The following IKZF2 variants were observed in gnomAD, a reference collection of about 807,000 sequenced individuals.
IKZF2 encodes the protein zinc finger protein Helios.
In IKZF2, 15 loss-of-function variants were observed where a neutral mutation model predicts 49.2. That is an observed-to-expected ratio of 0.30 (90% CI 0.20 to 0.47). The LOEUF (loss-of-function observed/expected upper bound fraction) is 0.47. Ranked by LOEUF, IKZF2 falls within the 20% of genes least tolerant of loss-of-function variation. The pLI is 1.00. For missense variants in IKZF2, 567 were observed against 664.6 expected, an observed-to-expected ratio of 0.85 and a Z score of 1.61; for synonymous variants, 227 against 221.4, an observed-to-expected ratio of 1.03 and a Z score of -0.23.
intron 6 of IKZF2, among the ~76,000 whole-genome samples, chr2:213,044,707 A>C (rs1164471954): frequency 6.6e-6 from 1 of 152,230 alleles, no homozygotes; most frequent in African/African-American, 2.4e-5. Flanking sequence ...TGGAATACTC[A>C]AGTCAGAATA....
chr2:213,079,173 G>A (rs1703616841), intron 4 of IKZF2, among the ~76,000 whole-genome samples: 1 of 151,902 alleles, frequency 6.6e-6, no homozygotes, highest in Admixed American at 6.6e-5. Flanking sequence ...GAGCCCACTG[G>A]TTCAAGACGA....
intron 4 of IKZF2, among the ~76,000 whole-genome samples, chr2:213,082,981 T>C (rs1704114282): frequency 6.6e-6 from 1 of 152,224 alleles, no homozygotes; most frequent in Non-Finnish European, 1.5e-5. Flanking sequence ...GAAAAGCATT[T>C]TATATTTCTT....
chr2:213,103,294 G>C (rs1319029193), intron 4 of IKZF2, among the ~76,000 whole-genome samples: 1 of 152,044 alleles, frequency 6.6e-6, no homozygotes, highest in Non-Finnish European at 1.5e-5. Context: ...ACAACTAATG[G>C]CAATGCTTAG....
At chr2:213,080,260 C>A (rs1703799241) in intron 4 of IKZF2, among the ~76,000 whole-genome samples, 1 of 150,604 alleles carries the variant, frequency 6.6e-6, no homozygotes, top group Non-Finnish European at 1.5e-5. Flanking sequence ...AAGGGAGATT[C>A]TTTTGCCCAC....
chr2:213,095,780 A>G (rs1435287009), intron 4 of IKZF2, among the ~76,000 whole-genome samples: 2 of 152,086 alleles, frequency 1.3e-5, no homozygotes, highest in African/African-American at 2.4e-5. Context: ...CTAAAGAAAA[A>G]TAAGTTATTG....
At chr2:213,112,532 C>T (rs974202854) in intron 4 of IKZF2, among the ~76,000 whole-genome samples, 3 of 150,886 alleles carry the variant, frequency 2.0e-5, no homozygotes, top group African/African-American at 7.3e-5. Context: ...GGCACGATCA[C>T]AGCTCACTAG....
At chr2:213,087,580 GGT>G (rs1445903144) in intron 4 of IKZF2, among the ~76,000 whole-genome samples, 1 of 151,912 alleles carries the variant, frequency 6.6e-6, no homozygotes, top group East Asian at 1.9e-4. Context: ...GTGCCATGTT[GGT>G]GTGCTGCACC....
chr2:213,123,966 G>C (rs2060138777), intron 4 of IKZF2, among the ~76,000 whole-genome samples: 2 of 150,132 alleles, frequency 1.3e-5, no homozygotes, highest in Non-Finnish European at 3.0e-5. Flanking sequence ...TGACATTTCA[G>C]ACAGGCAGAT....
At chr2:213,038,013 TAAA>T (rs3069569) in intron 6 of IKZF2, among the ~76,000 whole-genome samples, 244 of 147,824 alleles carry the variant, frequency 1.7e-3, no homozygotes, top group Admixed American at 1.8e-3. Context: ...TTTCTATCCT[TAAA>T]AAAAAAAAAA....
chr2:213,005,576 T>C lies in IKZF2; in HGVS notation c.*1784A>G, dbSNP rs1695278854. ...ATTCTCATACCACACTGTATTAAGA[T>C]ACATAATTTCAGCATCCTATTTAAT... is the stretch of plus-strand genomic sequence containing the variant. On this transcript the variant is annotated 3_prime_UTR_variant, in exon 9 of 9. Coordinates refer to ENST00000434687, the MANE Select transcript of IKZF2 (RefSeq NM_001387220.1). 1 of 152,040 alleles carries C rather than the reference T, an allele frequency of 6.6e-6. No homozygotes were observed. The highest frequency in any genetic ancestry group is 1.5e-5 in the Non-Finnish European group (1 of 67,998). The allele number at this position is 152,040 out of a possible 1,614,324, so 9.4% of individuals were successfully genotyped here.
At chr2:213,151,841 G>T (rs1332148517), upstream of IKZF2, among the ~76,000 whole-genome samples, 2 of 149,632 alleles carry the variant, frequency 1.3e-5, no homozygotes, top group Non-Finnish European at 3.0e-5. Flanking sequence ...GTGCGTGTGT[G>T]TATGAGAGCG....
chr2:213,142,025 C>A (rs1239655023), intron 4 of IKZF2, among the ~76,000 whole-genome samples: 1 of 151,854 alleles, frequency 6.6e-6, no homozygotes, highest in East Asian at 1.9e-4. Flanking sequence ...TATGGTACTA[C>A]CAGAAGCATC....
At chr2:213,123,498 T>A (rs2060123564) in intron 4 of IKZF2, among the ~76,000 whole-genome samples, 1 of 152,166 alleles carries the variant, frequency 6.6e-6, no homozygotes, top group Non-Finnish European at 1.5e-5. Flanking sequence ...ATATACCTAA[T>A]GTAAATGACA....
At chr2:213,016,199 T>A (rs959093897) in intron 7 of IKZF2, among the ~76,000 whole-genome samples, 1 of 152,128 alleles carries the variant, frequency 6.6e-6, no homozygotes, top group Non-Finnish European at 1.5e-5. Context: ...ATTAATTTAA[T>A]TCATCCAGAA....
chr2:213,005,863 G>GT lies in IKZF2; in HGVS notation c.*1496dup, dbSNP rs1317760014. 1 of 152,050 alleles carries GT rather than the reference G, an allele frequency of 6.6e-6. No homozygotes were observed. The highest frequency in any genetic ancestry group is 1.5e-5 in the Non-Finnish European group (1 of 67,982). The allele number at this position is 152,050 out of a possible 1,614,324, so 9.4% of individuals were successfully genotyped here. On this transcript the variant is annotated 3_prime_UTR_variant, in exon 9 of 9. Coordinates refer to ENST00000434687, the MANE Select transcript of IKZF2 (RefSeq NM_001387220.1). ...CATGAAATATGGCAACCTATACCAT[G>GT]TAAGGGGAATTCTATACTAAGGGAT...
chr2:213,147,358 T>A (rs1575006444), intron 4 of IKZF2: 2 of 480,666 alleles, frequency 4.2e-6, no homozygotes, highest in East Asian at 6.3e-5. Flanking sequence ...TTTTTAACTG[T>A]GAAGAGTCCT....
rs1694815770 is a variant in IKZF2, at chr2:213,000,615, A to G, written c.*6745T>C. The G allele has an allele frequency of 6.6e-6, 1 of 151,912 alleles. No individual in the cohort carries two copies. The highest frequency in any genetic ancestry group is 1.5e-5 in the Non-Finnish European group (1 of 67,630). 9.4% of individuals were successfully genotyped at this position (151,912 alleles called of 1,614,324 possible). A position where few individuals can be genotyped will look rare whatever the true frequency, so the allele number is the denominator to read the frequency against. ...AAAAAAGAAAATTAGCACACTACAT[A>G]TAAATATGTATAAGAAAAATACCTC... On this transcript the variant is annotated 3_prime_UTR_variant, in exon 9 of 9. Transcript: ENST00000434687.
At chr2:213,038,824 A>C (rs1444293428) in intron 6 of IKZF2, among the ~76,000 whole-genome samples, 1 of 152,204 alleles carries the variant, frequency 6.6e-6, no homozygotes, top group Non-Finnish European at 1.5e-5. Context: ...TAAAGAAACG[A>C]TGTGATTGTG....
intron 4 of IKZF2, among the ~76,000 whole-genome samples, chr2:213,064,004 T>G (rs941538839): frequency 6.6e-6 from 1 of 152,030 alleles, no homozygotes; most frequent in Admixed American, 6.6e-5. Context: ...CTGGGATGCA[T>G]GTCTCACTCA....
Sources: gnomAD v4.1 joint callset for allele counts (sites outside exome capture counted in the v4.1 genomes callset) on GRCh38, gnomAD v4.1.1 for gene constraint, MANE v1.5 for transcripts, NCBI Gene and HGNC (gene_info 2026-07-23, HGNC 2026-07-21) for gene names.